The following PALLD variants were observed in gnomAD, a reference collection of about 807,000 sequenced individuals.
PALLD encodes palladin.
PALLD carries 61 observed loss-of-function variants against 123.5 expected under a neutral mutation model. That is an observed-to-expected ratio of 0.49 (90% CI 0.40 to 0.61). PALLD has a LOEUF of 0.61. Ranked by LOEUF, PALLD falls within the 20% of genes least tolerant of loss-of-function variation. The probability of loss-of-function intolerance (pLI) is 0.00; values close to 1 mark genes in which losing one functional copy is unlikely to be tolerated. For synonymous variants in PALLD, 465 were observed against 496.4 expected, an observed-to-expected ratio of 0.94 and a Z score of 0.84; for missense variants, 1,273 against 1,377.0, an observed-to-expected ratio of 0.92 and a Z score of 1.20.
chr4:168,500,049 G>C (rs1428407805), intron 1 of PALLD, among the ~76,000 whole-genome samples: 1 of 152,206 alleles, frequency 6.6e-6, no homozygotes, highest in Non-Finnish European at 1.5e-5. Context: ...TGATGGCTCA[G>C]GTTGGGCCAA....
chr4:168,774,739 A>C (rs995287509), intron 10 of PALLD, among the ~76,000 whole-genome samples: 8 of 151,370 alleles, frequency 5.3e-5, no homozygotes, highest in Non-Finnish European at 1.0e-4. Context: ...AAAAAAAAAA[A>C]AAAAAAAGAT....
intron 15 of PALLD, among the ~76,000 whole-genome samples, chr4:168,905,691 C>A (rs555866432): frequency 6.6e-6 from 1 of 151,812 alleles, no homozygotes; most frequent in African/African-American, 2.4e-5. Flanking sequence ...ATGACCATCA[C>A]CCTGAAAAAG....
At chr4:168,806,031 G>C (rs1740143876) in intron 10 of PALLD, among the ~76,000 whole-genome samples, 1 of 152,104 alleles carries the variant, frequency 6.6e-6, no homozygotes, top group Admixed American at 6.6e-5. Context: ...ATGATAGTGA[G>C]TGAGTTCTCA....
chr4:168,852,853 C>T (rs192583268), intron 10 of PALLD, among the ~76,000 whole-genome samples: 73 of 152,264 alleles, frequency 4.8e-4, no homozygotes, highest in Non-Finnish European at 9.0e-4. Flanking sequence ...ATCAAGAAAC[C>T]TACATGTTGT....
At chr4:168,889,706 C>A (rs951749898) in intron 10 of PALLD, among the ~76,000 whole-genome samples, 1 of 152,102 alleles carries the variant, frequency 6.6e-6, no homozygotes, top group African/African-American at 2.4e-5. Context: ...TATGTATGCT[C>A]CCCTCAGTTT....
chr4:168,822,667 G>A (rs927490680), intron 10 of PALLD, among the ~76,000 whole-genome samples: 7 of 152,142 alleles, frequency 4.6e-5, no homozygotes, highest in Non-Finnish European at 1.0e-4. Flanking sequence ...TCAGTGGGCG[G>A]TTTTATTTTC....
At chr4:168,701,265 C>T (rs1372820629) in intron 8 of PALLD, among the ~76,000 whole-genome samples, 3 of 152,226 alleles carry the variant, frequency 2.0e-5, no homozygotes, top group Non-Finnish European at 4.4e-5. Context: ...AGGAGCTGCC[C>T]CAGAGCCCAT....
intron 2 of PALLD, among the ~76,000 whole-genome samples, chr4:168,554,647 T>A (rs577926874): frequency 5.3e-5 from 8 of 152,362 alleles, no homozygotes; most frequent in African/African-American, 1.9e-4. Context: ...TTAATTTTTT[T>A]AAAAGATTTT....
intron 10 of PALLD, among the ~76,000 whole-genome samples, chr4:168,747,720 G>A (rs1730511576): frequency 6.6e-6 from 1 of 152,208 alleles, no homozygotes; most frequent in African/African-American, 2.4e-5. Context: ...TCTCAGGGAA[G>A]CCAAGCAACT....
chr4:168,747,191 C>T (rs1011938824), intron 10 of PALLD, among the ~76,000 whole-genome samples: 1 of 152,236 alleles, frequency 6.6e-6, no homozygotes, highest in Non-Finnish European at 1.5e-5. Context: ...GTTTCTCATA[C>T]TGTGTTGGTG....
chr4:168,734,346 C>G (rs1787515245), intron 10 of PALLD, among the ~76,000 whole-genome samples: 1 of 151,844 alleles, frequency 6.6e-6, no homozygotes. Flanking sequence ...CCTGCTGACA[C>G]AAAGCTAATC....
At chr4:168,536,600 CA>C (rs934929405) in intron 2 of PALLD, 7 of 152,170 alleles carry the variant, frequency 4.6e-5, no homozygotes, top group Admixed American at 1.3e-4. Flanking sequence ...CAACGCAGCA[CA>C]AGGCAGGAAG....
intron 10 of PALLD, among the ~76,000 whole-genome samples, chr4:168,797,731 G>A (rs1341809023): frequency 6.6e-6 from 1 of 152,006 alleles, no homozygotes; most frequent in Non-Finnish European, 1.5e-5. Flanking sequence ...AAATATCAGA[G>A]ACCAAATGAG....
chr4:168,783,437 A>G (rs1460096901), intron 10 of PALLD, among the ~76,000 whole-genome samples: 3 of 152,166 alleles, frequency 2.0e-5, no homozygotes, highest in African/African-American at 4.8e-5. Flanking sequence ...GGGCCAGCGC[A>G]TATTTCTAAA....
intron 2 of PALLD, among the ~76,000 whole-genome samples, chr4:168,612,945 T>G (rs1470109728): frequency 6.6e-6 from 1 of 152,180 alleles, no homozygotes; most frequent in Non-Finnish European, 1.5e-5. Context: ...CTCACTGGAT[T>G]CGGAACTACC....
At chr4:168,791,670 C>T (rs373255296) in intron 10 of PALLD, among the ~76,000 whole-genome samples, 7 of 152,212 alleles carry the variant, frequency 4.6e-5, no homozygotes, top group South Asian at 4.2e-4. Context: ...TTTTGGGTGG[C>T]GACACAGCCA....
At chr4:168,761,874 C>G (rs182088140) in intron 10 of PALLD, among the ~76,000 whole-genome samples, 1 of 151,770 alleles carries the variant, frequency 6.6e-6, no homozygotes, top group African/African-American at 2.4e-5. Flanking sequence ...TGGACCTGCA[C>G]AGGATTAGAA....
intron 2 of PALLD, among the ~76,000 whole-genome samples, chr4:168,515,928 A>C (rs1194592753): frequency 3.3e-5 from 5 of 152,174 alleles, no homozygotes; most frequent in African/African-American, 1.2e-4. Flanking sequence ...ACAAATGTGG[A>C]TAAAGAAGCC....
At chr4:168,740,563 T>A (rs369089540) in intron 10 of PALLD, among the ~76,000 whole-genome samples, 2 of 152,308 alleles carry the variant, frequency 1.3e-5, no homozygotes, top group African/African-American at 4.8e-5. Flanking sequence ...TTCAGAATAA[T>A]TAAGCCTGAG....
Sources: allele counts gnomAD v4.1 joint callset (sites outside exome capture counted in the v4.1 genomes callset), GRCh38; gene constraint gnomAD v4.1.1; transcripts MANE v1.5; gene names NCBI Gene and HGNC (gene_info 2026-07-23, HGNC 2026-07-21).